Variants in MARCHF1 observed in about 807,000 individuals in gnomAD.
MARCHF1 encodes E3 ubiquitin-protein ligase MARCHF1.
MARCHF1 carries 40 observed loss-of-function variants against 54.2 expected under a neutral mutation model. The observed-to-expected ratio is 0.74, with a 90% CI of 0.57 to 0.96. The LOEUF (loss-of-function observed/expected upper bound fraction) is 0.96, where lower values mean the gene tolerates loss of function less well. MARCHF1 is among the 40% of genes least tolerant of loss of function. The probability of loss-of-function intolerance (pLI) is 0.00; values close to 1 mark genes in which losing one functional copy is unlikely to be tolerated. For synonymous variants in MARCHF1, 236 were observed against 236.3 expected, an observed-to-expected ratio of 1.00 and a Z score of 0.01; for missense variants, 586 against 656.5, an observed-to-expected ratio of 0.89 and a Z score of 1.17.
chr4:164,246,090 G>GA (rs1208993315), intron 1 of MARCHF1, among the ~76,000 whole-genome samples: 25 of 53,590 alleles, frequency 4.7e-4, no homozygotes, highest in African/African-American at 1.3e-3. Flanking sequence ...CACAGAATTG[G>GA]AAAAAACTAC....
chr4:164,113,163 A>G (rs1208332034), intron 1 of MARCHF1, among the ~76,000 whole-genome samples: 1 of 151,946 alleles, frequency 6.6e-6, no homozygotes, highest in Admixed American at 6.6e-5. Context: ...ATGTAGTTTA[A>G]TGAAATTGGT....
intron 1 of MARCHF1, among the ~76,000 whole-genome samples, chr4:164,145,313 C>G (rs1229393384): frequency 2.0e-5 from 3 of 152,070 alleles, no homozygotes; most frequent in Non-Finnish European, 4.4e-5. Context: ...TCCTCCCTAA[C>G]TCATTTTATG....
At chr4:163,769,661 C>A (rs1221706487) in intron 4 of MARCHF1, among the ~76,000 whole-genome samples, 1 of 152,184 alleles carries the variant, frequency 6.6e-6, no homozygotes, top group Admixed American at 6.5e-5. Flanking sequence ...TTTAACAGGA[C>A]TACTATAACC....
At chr4:163,874,890 G>A (rs1302979788) in intron 3 of MARCHF1, among the ~76,000 whole-genome samples, 3 of 152,034 alleles carry the variant, frequency 2.0e-5, no homozygotes, top group Admixed American at 6.5e-5. Context: ...TCCTCTTTTA[G>A]GCAAAGGTTG....
chr4:163,867,211 T>G (rs1207100183), intron 3 of MARCHF1, among the ~76,000 whole-genome samples: 1 of 151,928 alleles, frequency 6.6e-6, no homozygotes, highest in African/African-American at 2.4e-5. Context: ...TCAGTTGTGG[T>G]CTGAGACGCC....
chr4:163,573,665 G>C lies in MARCHF1; in HGVS notation c.1191+12084C>G, dbSNP rs1418776269. On this transcript the variant is annotated intron_variant, in intron 8 of 9. Transcript: ENST00000514618. Reference sequence around the variant, plus strand: ...ACTCATCATTTTTTATGGCTGCATAGTATTCTATGGTGTATATGTGCCACA... The same window carrying C: ...ACTCATCATTTTTTATGGCTGCATACTATTCTATGGTGTATATGTGCCACA... 5.3e-5 allele frequency among the ~76,000 whole-genome samples: 8 copies of C among 151,814 alleles called. No homozygotes were observed. In the South Asian group the frequency reaches 1.7e-3, roughly 32 times the overall value.
chr4:163,829,957 C>T (rs1157645628), intron 4 of MARCHF1, among the ~76,000 whole-genome samples: 4 of 152,148 alleles, frequency 2.6e-5, no homozygotes, highest in African/African-American at 9.7e-5. Context: ...TAGATATTAT[C>T]TGGCCAGTCC....
At chr4:164,264,072 G>T (rs565856541) in intron 1 of MARCHF1, among the ~76,000 whole-genome samples, 3 of 152,252 alleles carry the variant, frequency 2.0e-5, no homozygotes, top group East Asian at 1.9e-4. Context: ...GTTCACAATA[G>T]CAAAAGTATA....
intron 7 of MARCHF1, among the ~76,000 whole-genome samples, chr4:163,610,829 AT>A (rs1741313664): frequency 6.6e-6 from 1 of 151,924 alleles, no homozygotes; most frequent in Admixed American, 6.6e-5. Flanking sequence ...TCTACCACCC[AT>A]CCCCCTATTC....
At chr4:164,156,301 G>A (rs1213195130) in intron 1 of MARCHF1, among the ~76,000 whole-genome samples, 3 of 152,132 alleles carry the variant, frequency 2.0e-5, no homozygotes, top group Non-Finnish European at 4.4e-5. Context: ...AAAATGTCTA[G>A]TATATAGTCC....
chr4:163,712,472 C>T (rs1015235786), intron 4 of MARCHF1, among the ~76,000 whole-genome samples: 1 of 152,120 alleles, frequency 6.6e-6, no homozygotes, highest in Non-Finnish European at 1.5e-5. Context: ...ATGATTCCTG[C>T]AAAGGTTGGT....
At chr4:163,567,382 G>T (rs1739679473) in intron 8 of MARCHF1, among the ~76,000 whole-genome samples, 1 of 152,128 alleles carries the variant, frequency 6.6e-6, no homozygotes, top group South Asian at 2.1e-4. Context: ...TCCTGCACTG[G>T]CTGTGTTCAC....
chr4:164,176,383 G>T (rs140907496), intron 1 of MARCHF1, among the ~76,000 whole-genome samples: 3 of 152,166 alleles, frequency 2.0e-5, no homozygotes, highest in African/African-American at 7.2e-5. Flanking sequence ...ACTAACAAAA[G>T]GTATCAAATA....
intron 1 of MARCHF1, among the ~76,000 whole-genome samples, chr4:164,160,568 TG>T (rs1278248592): frequency 2.6e-5 from 4 of 152,234 alleles, no homozygotes; most frequent in African/African-American, 9.6e-5. Flanking sequence ...CGTTATAAAA[TG>T]TTTTGCATTT....
At chr4:163,993,236 G>T (rs569704874) in intron 2 of MARCHF1, among the ~76,000 whole-genome samples, 1 of 152,082 alleles carries the variant, frequency 6.6e-6, no homozygotes, top group African/African-American at 2.4e-5. Context: ...CTGGTTATGT[G>T]TTTATAAAAA....
chr4:164,151,805 G>A (rs1485508301), intron 1 of MARCHF1, among the ~76,000 whole-genome samples: 1 of 151,880 alleles, frequency 6.6e-6, no homozygotes, highest in Non-Finnish European at 1.5e-5. Context: ...AAATATATTG[G>A]CCAACGTCCT....
chr4:163,970,663 T>G (rs1752529422), intron 3 of MARCHF1, among the ~76,000 whole-genome samples: 1 of 152,196 alleles, frequency 6.6e-6, no homozygotes. Context: ...TGGGTCATAT[T>G]GGTATATAAA....
chr4:163,625,382 A>C (rs1287494466), intron 5 of MARCHF1, among the ~76,000 whole-genome samples: 3 of 152,210 alleles, frequency 2.0e-5, no homozygotes, highest in Admixed American at 6.5e-5. Flanking sequence ...TACCACTTTG[A>C]GAAAAAAAGG....
In MARCHF1 at chr4:163,889,919, C is replaced by CTTTTTTTTTTTTTTTTTTTTTT. The variant is rs146357456; in HGVS notation, c.-38-35751_-38-35750insAAAAAAAAAAAAAAAAAAAAAA. ...ATGTTAAACTTCGTTTATTTATTTTCTTTTTTCTTTTTTTTTTTTTTTTGA... is the reference window on the plus strand; with the variant it reads ...ATGTTAAACTTCGTTTATTTATTTTCTTTTTTTTTTTTTTTTTTTTTTTTTTTTCTTTTTTTTTTTTTTTTGA... On this transcript the variant is annotated intron_variant, in intron 3 of 9. Coordinates refer to ENST00000514618, the MANE Select transcript of MARCHF1 (RefSeq NM_001394959.1). Among the ~76,000 whole-genome samples the CTTTTTTTTTTTTTTTTTTTTTT allele has an allele frequency of 2.6e-5, 3 of 117,238 alleles. 1 individual carries two copies. The highest frequency in any genetic ancestry group is 5.0e-5 in the Non-Finnish European group (3 of 59,706). The allele number at this position is 117,238 out of a possible 152,430, so 76.9% of individuals were successfully genotyped here.
Sources: gnomAD v4.1 joint callset for allele counts (sites outside exome capture counted in the v4.1 genomes callset) on GRCh38, gnomAD v4.1.1 for gene constraint, MANE v1.5 for transcripts, NCBI Gene and HGNC (gene_info 2026-07-23, HGNC 2026-07-21) for gene names.